TRPC4: variants seen among roughly 807,000 people sequenced by gnomAD.
TRPC4 encodes the protein short transient receptor potential channel 4.
Under a neutral mutation model 99.4 loss-of-function variants are expected in TRPC4, and 49 were observed. That is an observed-to-expected ratio of 0.49 (90% CI 0.39 to 0.63). TRPC4 has a LOEUF of 0.63. Among genes scored for constraint, TRPC4 ranks in the 20% least tolerant of loss-of-function variants. The probability of loss-of-function intolerance (pLI) is 0.00; values close to 1 mark genes in which losing one functional copy is unlikely to be tolerated. For missense variants in TRPC4, 898 were observed against 1,152.9 expected (o/e 0.78, Z 3.20); for synonymous variants, 454 against 425.9 (o/e 1.07, Z -0.81).
chr13:37,789,489 G>A (rs9532118), intron 1 of TRPC4, among the ~76,000 whole-genome samples: 123,590 of 152,128 alleles, frequency 0.81, 54,459 homozygotes, highest in East Asian at 0.97. Context: ...AGATTGTGAA[G>A]TAAACAGTTC....
chr13:37,671,753 G>A (rs1952852035), intron 5 of TRPC4, among the ~76,000 whole-genome samples: 1 of 152,120 alleles, frequency 6.6e-6, no homozygotes, highest in Non-Finnish European at 1.5e-5. Context: ...ACTAGTAAGT[G>A]ATGGAGGAAA....
chr13:37,764,967 ATGT>A lies in TRPC4; in HGVS notation c.378+17986_378+17988del, dbSNP rs1956323671. On this transcript the variant is annotated intron_variant, in intron 2 of 10. Coordinates refer to ENST00000379705, the MANE Select transcript of TRPC4 (RefSeq NM_016179.4). Reference sequence around the variant, plus strand: ...GATGAGCATATTTTTTTTCTTTCTCATGTTGTCCTCTTCAGGCTTTGATGGTAA... The same window carrying A: ...GATGAGCATATTTTTTTTCTTTCTCATGTCCTCTTCAGGCTTTGATGGTAA... Among the ~76,000 whole-genome samples, 9 of 150,384 alleles carry A rather than the reference ATGT, an allele frequency of 6.0e-5. No homozygotes were observed. The Admixed American group carries it at 6.0e-4, about 10-fold the overall frequency.
intron 3 of TRPC4, among the ~76,000 whole-genome samples, chr13:37,742,387 T>C (rs912981616): frequency 6.6e-6 from 1 of 152,282 alleles, no homozygotes; most frequent in Middle Eastern, 3.4e-3. Context: ...TCTAAGAGCA[T>C]CTGTGACTTC....
intron 3 of TRPC4, among the ~76,000 whole-genome samples, chr13:37,698,925 A>G (rs1593537902): frequency 1.3e-5 from 2 of 152,142 alleles, no homozygotes; most frequent in East Asian, 3.9e-4. Context: ...TCTCACAGAT[A>G]TTTACCCTAT....
rs146268982 is a variant in TRPC4 at position 37,731,208 on chromosome 13, C to T, written c.897+14729G>A. 2.7e-3 allele frequency among the ~76,000 whole-genome samples: 418 copies of T among 152,142 alleles called. 3 individuals carry two copies. The highest frequency in any genetic ancestry group is 9.6e-3 in the African/African-American group (397 of 41,564). The stretch of plus-strand genomic sequence containing the variant: ...TGTTCGAAATAATCTATTATTAGCA[C>T]TAATTTTATCCCCAATCTCCTTGGA... On this transcript the variant is annotated intron_variant, in intron 3 of 10. Transcript: ENST00000379705.
chr13:37,832,628 ATAGT>A (rs1397686552), intron 1 of TRPC4, among the ~76,000 whole-genome samples: 6 of 152,224 alleles, frequency 3.9e-5, no homozygotes, highest in Non-Finnish European at 5.9e-5. Context: ...TAGGAATCGA[ATAGT>A]TAGATGATTC....
At chr13:37,678,048 G>A (rs1392105498) in intron 4 of TRPC4, among the ~76,000 whole-genome samples, 5 of 152,054 alleles carry the variant, frequency 3.3e-5, no homozygotes, top group Admixed American at 2.6e-4. Flanking sequence ...AGGAATACAT[G>A]AGAAGAGTTA....
rs568204473 is a variant in TRPC4, at chr13:37,851,392, T to C, written c.-28+18203A>G. Among the ~76,000 whole-genome samples, 10 of 152,300 alleles carry C rather than the reference T, an allele frequency of 6.6e-5. No individual in the cohort carries two copies. The South Asian group carries it at 2.1e-3, about 32-fold the overall frequency. ...TAACAAACAGACCAGCACATAACCC[T>C]GTTATTGGAGTTATCAGCCTCAGAC... On this transcript the variant is annotated intron_variant, in intron 1 of 10. Transcript: ENST00000379705.
At chr13:37,686,232 T>C (rs1288601136) in intron 4 of TRPC4, among the ~76,000 whole-genome samples, 1 of 151,780 alleles carries the variant, frequency 6.6e-6, no homozygotes, top group Non-Finnish European at 1.5e-5. Context: ...AGACAAAAGA[T>C]GAAAAAATGG....
intron 1 of TRPC4, among the ~76,000 whole-genome samples, chr13:37,868,378 A>G (rs1414624339): frequency 1.3e-5 from 2 of 152,110 alleles, no homozygotes; most frequent in Non-Finnish European, 2.9e-5. Context: ...TACAAATGTA[A>G]CTTTAAATAG....
intron 2 of TRPC4, among the ~76,000 whole-genome samples, chr13:37,764,461 T>C (rs530466854): frequency 1.3e-5 from 2 of 148,744 alleles, no homozygotes; most frequent in Non-Finnish European, 3.0e-5. Flanking sequence ...AACTTTCATA[T>C]TGGTTACAAT....
intron 3 of TRPC4, among the ~76,000 whole-genome samples, chr13:37,732,539 C>T (rs771007820): frequency 2.5e-4 from 38 of 152,172 alleles, no homozygotes; most frequent in East Asian, 2.1e-3. Context: ...CCCTGTTCAA[C>T]GACGACATGT....
At chr13:37,789,416 G>A (rs1422920332) in intron 1 of TRPC4, among the ~76,000 whole-genome samples, 1 of 152,068 alleles carries the variant, frequency 6.6e-6, no homozygotes, top group African/African-American at 2.4e-5. Context: ...CCTTTTTTAT[G>A]CATCTTTATA....
chr13:37,823,689 T>A (rs1053677130), intron 1 of TRPC4, among the ~76,000 whole-genome samples: 2 of 149,466 alleles, frequency 1.3e-5, no homozygotes, highest in Admixed American at 6.7e-5. Context: ...GTAGTATAGT[T>A]TGAAGTCAGG....
chr13:37,712,343 GA>G (rs1394330762), intron 3 of TRPC4, among the ~76,000 whole-genome samples: 1 of 152,132 alleles, frequency 6.6e-6, no homozygotes, highest in Non-Finnish European at 1.5e-5. Flanking sequence ...AGTGCTAAAA[GA>G]AGATTCAATA....
intron 4 of TRPC4, among the ~76,000 whole-genome samples, chr13:37,689,081 C>T (rs1448933219): frequency 6.6e-6 from 1 of 152,154 alleles, no homozygotes; most frequent in Non-Finnish European, 1.5e-5. Context: ...TTTAGCCTGG[C>T]TCTCCCCTTC....
At chr13:37,863,461 T>G (rs990916203) in intron 1 of TRPC4, among the ~76,000 whole-genome samples, 1 of 151,638 alleles carries the variant, frequency 6.6e-6, no homozygotes, top group African/African-American at 2.4e-5. Context: ...CTTATATGTA[T>G]GTTGTATACA....
chr13:37,750,464 A>G (rs182546516), intron 2 of TRPC4, among the ~76,000 whole-genome samples: 8 of 152,246 alleles, frequency 5.3e-5, no homozygotes, highest in South Asian at 2.1e-4. Flanking sequence ...TTTATTATCA[A>G]AAATGAGTGT....
chr13:37,747,023 C>T (rs765113179), intron 2 of TRPC4, among the ~76,000 whole-genome samples: 1 of 152,164 alleles, frequency 6.6e-6, no homozygotes, highest in Non-Finnish European at 1.5e-5. Context: ...TTCCTCTTTT[C>T]ATCTGTGCTT....
Sources: allele counts gnomAD v4.1 joint callset (sites outside exome capture counted in the v4.1 genomes callset), GRCh38; gene constraint gnomAD v4.1.1; transcripts MANE v1.5; gene names NCBI Gene and HGNC (gene_info 2026-07-23, HGNC 2026-07-21).